Variants in SIGLEC10 observed in about 807,000 individuals in gnomAD.
SIGLEC10 encodes sialic acid-binding Ig-like lectin 10.
Under a neutral mutation model 68.3 loss-of-function variants are expected in SIGLEC10, and 45 were observed. That is an observed-to-expected ratio of 0.66 (90% confidence interval 0.52 to 0.84). The LOEUF (loss-of-function observed/expected upper bound fraction) is 0.84. Among genes scored for constraint, SIGLEC10 ranks in the 40% least tolerant of loss-of-function variants. The pLI is 0.00. For synonymous variants in SIGLEC10, 379 were observed against 370.8 expected (o/e 1.02, Z -0.26); for missense variants, 789 against 883.1 (o/e 0.89, Z 1.35).
rs11882566 is a variant in SIGLEC10, at chr19:51,415,221, T to A, written c.1290A>T (p.Pro430=). ...TGAGAGAGACGTGCTGGGAGCCCAG[T>A]GGGTGCCGAGCGTGGCAGGTGAACT... ...EGEFTCHARH[P]LGSQHVSLSL... is the part of the protein sequence containing the mutation. Residue 430 remains proline (P), a synonymous_variant, in exon 7 of 11, where the codon CCA becomes CCT. Coordinates refer to ENST00000339313, the MANE Select transcript of SIGLEC10 (RefSeq NM_033130.5). The A allele has an allele frequency of 3.4e-3, 5,422 of 1,612,996 alleles. 57 individuals carry two copies. The highest frequency in any genetic ancestry group is 0.032 in the African/African-American group (2,415 of 75,004).
Position 51,414,976 on chromosome 19 carries a change from C to A in SIGLEC10, c.1463G>T (p.Ser488Ile), listed in dbSNP as rs576940932. 1 of 1,613,462 alleles carries A rather than the reference C, an allele frequency of 6.2e-7. No individual in the cohort carries two copies. Among genetic ancestry groups the A allele is most frequent in the South Asian group, 1.1e-5 (1 of 91,056 alleles). The change falls in exon 8 of 11, where the codon AGC (serine) becomes ATC (isoleucine). Residue 488 changes from serine to isoleucine, a missense_variant. By Grantham distance (142) the Ser-to-Ile change is moderately radical. Transcript: ENST00000339313. This position sits in a 1 kb window ranked among gnomAD's most constrained non-coding sequence, Gnocchi z 4.1. Reference sequence around the variant, plus strand: ...GGGGGTGACCTCGAAGGAGTCCTGGCTGCTGTTCCCCTCCAGCAGCTCCTC... The same window carrying A: ...GGGGGTGACCTCGAAGGAGTCCTGGATGCTGTTCCCCTCCAGCAGCTCCTC... ...LGEELLEGNSSQDSFEVTPSS... is the reference protein window; with the variant it reads ...LGEELLEGNSIQDSFEVTPSS...
chr19:51,413,386 C>T (rs933465613), intron 10 of SIGLEC10, among the ~76,000 whole-genome samples: 1 of 152,074 alleles, frequency 6.6e-6, no homozygotes, highest in African/African-American at 2.4e-5. Flanking sequence ...CCCAGCCTCC[C>T]GATGATACAC....
chr19:51,416,422 C>A (rs1988663331), intron 3 of SIGLEC10, 65 bp from the exon 4 acceptor site: 7 of 1,613,340 alleles, frequency 4.3e-6, no homozygotes, highest in Non-Finnish European at 5.9e-6. Flanking sequence ...GGAAAAAACT[C>A]CCTCAGGGAA....
chr19:51,414,539 A>G lies in SIGLEC10; in HGVS notation c.1616-24T>C. 2 of 1,607,120 alleles carry G rather than the reference A, an allele frequency of 1.2e-6. No homozygotes were observed. The highest frequency in any genetic ancestry group is 1.7e-6 in the Non-Finnish European group (2 of 1,174,494). On this transcript the variant is annotated intron_variant, in intron 8 of 10. Coordinates refer to ENST00000339313, the MANE Select transcript of SIGLEC10 (RefSeq NM_033130.5). The surrounding 1 kb of genome is among the most constrained non-coding windows in gnomAD (Gnocchi z 4.1). ...ATCTGCACACGGAGAGGGCAAGGTG[A>G]GCATTTCCCATCCACGCAGGGCTCA... is the stretch of plus-strand genomic sequence containing the variant.
Position 51,416,855 on chromosome 19 carries a change from A to G in SIGLEC10, c.517T>C (p.Cys173Arg). ...ICVFNWAFEECPPPSFSWTGA... is the reference protein window; with the variant it reads ...ICVFNWAFEERPPPSFSWTGA... ...GTCCAGGAGAAAGAAGGGGGTGGACATTCCTCAAAGGCCCAGTTAAACACA... is the reference window on the plus strand; with the variant it reads ...GTCCAGGAGAAAGAAGGGGGTGGACGTTCCTCAAAGGCCCAGTTAAACACA... The change falls in exon 3 of 11, where the codon TGT (cysteine) becomes CGT (arginine). Residue 173 changes from cysteine to arginine, a missense_variant. By Grantham distance (180) the Cys-to-Arg change is radical. Coordinates refer to ENST00000339313, the MANE Select transcript of SIGLEC10 (RefSeq NM_033130.5). 6.2e-7 allele frequency: 1 copy of G among 1,614,128 alleles called. No homozygotes were observed. The highest frequency in any genetic ancestry group is 8.5e-7 in the Non-Finnish European group (1 of 1,180,026).
At chr19:51,416,994 C>T in intron 2 of SIGLEC10, 44 bp from the exon 3 acceptor site, 2 of 1,592,192 alleles carry the variant, frequency 1.3e-6, no homozygotes, top group East Asian at 2.2e-5. Flanking sequence ...CTGCAGGGGT[C>T]CCTGAGAGCC....
Position 51,411,201 on chromosome 19 carries a change from C to T in SIGLEC10, c.1992G>A (p.Glu664=). ...GGAAGTTGAGCGTGGCATAATGGAG[C>T]TCCTCTTGGCTCTCCTGGGATTCTG... ...QAPESQESQE[E]LHYATLNFPG... Residue 664 remains glutamate (E), a synonymous_variant, in exon 11 of 11, where the codon GAG becomes GAA. Coordinates refer to ENST00000339313, the MANE Select transcript of SIGLEC10 (RefSeq NM_033130.5). The T allele has an allele frequency of 5.0e-6, 8 of 1,614,174 alleles. No individual in the cohort carries two copies. Among genetic ancestry groups the T allele is most frequent in the Admixed American group, 1.7e-5 (1 of 60,024 alleles).
In SIGLEC10 at chr19:51,416,700, C is replaced by G. The variant is rs1988711967; in HGVS notation, c.672G>C (p.Val224=). The G allele has an allele frequency of 2.5e-6, 4 of 1,614,166 alleles. No individual in the cohort carries two copies. Among genetic ancestry groups the G allele is most frequent in the Non-Finnish European group, 3.4e-6 (4 of 1,180,042 alleles). ...TCHVDFSRKG[V]SAQRTVRLRV... ...GGAGTCGGACGGTCCTCTGTGCGCT[C>G]ACACCCTTTCTGGAGAAGTCCACAT... The change falls in exon 3 of 11, where the codon GTG becomes GTC. Residue 224 remains valine (V), a synonymous_variant. Coordinates refer to ENST00000339313, the MANE Select transcript of SIGLEC10 (RefSeq NM_033130.5).
intron 9 of SIGLEC10, 23 bp from the exon 10 acceptor site, chr19:51,413,846 T>C (rs1988244378): frequency 6.3e-7 from 1 of 1,598,864 alleles, no homozygotes; most frequent in South Asian, 1.1e-5. Flanking sequence ...ACCCACCTGT[T>C]TGTGCCCTGC....
rs1335048323 is a variant in SIGLEC10, at chr19:51,415,210, T to C, written c.1301A>G (p.Gln434Arg). ...CACGGAGAGGCTGAGAGAGACGTGC[T>C]GGGAGCCCAGTGGGTGCCGAGCGTG... is the stretch of plus-strand genomic sequence containing the variant. ...TCHARHPLGS[Q>R]HVSLSLSVHY... The change falls in exon 7 of 11, where the codon CAG becomes CGG. Residue 434 changes from glutamine to arginine, a missense_variant. Transcript: ENST00000339313. 4.3e-6 allele frequency: 7 copies of C among 1,611,976 alleles called. No individual in the cohort carries two copies. The African/African-American group carries it at 6.7e-5, about 15-fold the overall frequency.
Position 51,414,547 on chromosome 19 carries a change from C to T in SIGLEC10, c.1616-32G>A, listed in dbSNP as rs370952343. Reference sequence around the variant, plus strand: ...ACGGAGAGGGCAAGGTGAGCATTTCCCATCCACGCAGGGCTCACGAAGCCC... The same window carrying T: ...ACGGAGAGGGCAAGGTGAGCATTTCTCATCCACGCAGGGCTCACGAAGCCC... On this transcript the variant is annotated intron_variant, in intron 8 of 10. Coordinates refer to ENST00000339313, the MANE Select transcript of SIGLEC10 (RefSeq NM_033130.5). The surrounding 1 kb of genome is among the most constrained non-coding windows in gnomAD (Gnocchi z 4.1). The T allele has an allele frequency of 5.6e-6, 9 of 1,602,556 alleles. No homozygotes were observed. In the African/African-American group the frequency reaches 9.4e-5, roughly 17 times the overall value.
intron 3 of SIGLEC10, 109 bp from the exon 4 acceptor site, chr19:51,416,466 C>A (rs555597324): frequency 6.2e-7 from 1 of 1,607,008 alleles, no homozygotes; most frequent in African/African-American, 1.3e-5. Flanking sequence ...AGACAAGTGA[C>A]AACCAGCGCC....
Position 51,411,306 on chromosome 19 carries a change from G to C in SIGLEC10, c.1887C>G (p.Pro629=). Reference sequence around the variant, plus strand: ...TCTGGTTCTTCTTTGATTCTGGGGAGGGAGCACCTGGTGGAAGAGGGGTCC... The same window carrying C: ...TCTGGTTCTTCTTTGATTCTGGGGACGGAGCACCTGGTGGAAGAGGGGTCC... ...SPRTPLPPGA[P]SPESKKNQKK... Residue 629 remains proline, a synonymous_variant, in exon 11 of 11, where the codon CCC becomes CCG. Transcript: ENST00000339313. 1 of 1,614,164 alleles carries C rather than the reference G, an allele frequency of 6.2e-7. No homozygotes were observed. Among genetic ancestry groups the C allele is most frequent in the Non-Finnish European group, 8.5e-7 (1 of 1,180,030 alleles).
chr19:51,415,634 A>C lies in SIGLEC10; in HGVS notation c.1025-19T>G. The C allele has an allele frequency of 1.2e-6, 2 of 1,613,854 alleles. No individual in the cohort carries two copies. The highest frequency in any genetic ancestry group is 1.7e-6 in the Non-Finnish European group (2 of 1,179,820). On this transcript the variant is annotated intron_variant, in intron 5 of 10. Transcript: ENST00000339313. ...GGAGGATCTGAAATGGAGACAGGGG[A>C]CCGGCTCTAGACGGACCAGGGGCTT...
Position 51,411,026 on chromosome 19 carries a change from A to T in SIGLEC10, c.*73T>A, listed in dbSNP as rs1987950335. ...AGAGAGGGAGAGAAGGAAACTTTGC[A>T]CTCTGTTATCTTCAACCTCTTACTC... On this transcript the variant is annotated 3_prime_UTR_variant, in exon 11 of 11. Transcript: ENST00000339313. 3 of 1,498,852 alleles carry T rather than the reference A, an allele frequency of 2.0e-6. No homozygotes were observed. Among genetic ancestry groups the T allele is most frequent in the Non-Finnish European group, 2.7e-6 (3 of 1,111,126 alleles). 92.8% of individuals were successfully genotyped at this position (1,498,852 alleles called of 1,614,324 possible). A position where few individuals can be genotyped will look rare whatever the true frequency, so the allele number is the denominator to read the frequency against.
chr19:51,413,898 C>T lies in SIGLEC10; in HGVS notation c.1710-75G>A. 3 of 1,134,764 alleles carry T rather than the reference C, an allele frequency of 2.6e-6. No homozygotes were observed. In the South Asian group the frequency reaches 3.7e-5, roughly 14 times the overall value. 70.3% of individuals were successfully genotyped at this position (1,134,764 alleles called of 1,614,324 possible). A position where few individuals can be genotyped will look rare whatever the true frequency, so the allele number is the denominator to read the frequency against. On this transcript the variant is annotated intron_variant, in intron 9 of 10. Coordinates refer to ENST00000339313, the MANE Select transcript of SIGLEC10 (RefSeq NM_033130.5). ...AGACTGCCACGTTTACTACCTGAGA[C>T]CGTCACTATGACAGTTACTACTGTT...
At chr19:51,416,501 G>A (rs1409786187) in intron 3 of SIGLEC10, 144 bp from the exon 4 acceptor site, 16 of 1,585,228 alleles carry the variant, frequency 1.0e-5, no homozygotes, top group Non-Finnish European at 1.2e-5. Context: ...TGGACCAGAC[G>A]CCATTCCCAT....
intron 2 of SIGLEC10, 66 bp from the exon 3 acceptor site, chr19:51,417,016 G>T (rs1988759634): frequency 8.8e-6 from 14 of 1,597,312 alleles, no homozygotes; most frequent in Non-Finnish European, 9.4e-6. Flanking sequence ...TCTCTGCTCA[G>T]CCCATAGGCT....
chr19:51,414,111 A>G lies in SIGLEC10; in HGVS notation c.1710-288T>C, dbSNP rs60673310. Among the ~76,000 whole-genome samples, 16,508 of 152,218 alleles carry G rather than the reference A, an allele frequency of 0.11. 1,829 individuals are homozygous for G. Among genetic ancestry groups the G allele is most frequent in the African/African-American group, 0.28 (11,606 of 41,476 alleles). On this transcript the variant is annotated intron_variant, in intron 9 of 10. Coordinates refer to ENST00000339313, the MANE Select transcript of SIGLEC10 (RefSeq NM_033130.5). This position sits in a 1 kb window ranked among gnomAD's most constrained non-coding sequence, Gnocchi z 4.1. ...TGTATTTATTGGGTAGAAAGAGCAG[A>G]GAGCAGGAGGTAACAATTGGTCAGC...
Sources: gnomAD v4.1 joint callset for allele counts (sites outside exome capture counted in the v4.1 genomes callset) on GRCh38, gnomAD v4.1.1 for gene constraint, Gnocchi (gnomAD v3.1) non-coding constraint, MANE v1.5 for transcripts, NCBI Gene and HGNC (gene_info 2026-07-23, HGNC 2026-07-21) for gene names.